Variants in MORC4 observed in about 807,000 individuals in gnomAD.
MORC4 encodes the protein MORC family CW-type zinc finger protein 4.
MORC4 carries 22 observed loss-of-function variants against 65.5 expected under a neutral mutation model. That is an observed-to-expected ratio of 0.34 (90% confidence interval 0.24 to 0.48). MORC4 has a LOEUF of 0.48. Ranked by LOEUF, MORC4 falls within the 20% of genes least tolerant of loss-of-function variation. The probability of loss-of-function intolerance (pLI) is 0.99; values close to 1 mark genes in which losing one functional copy is unlikely to be tolerated. For missense variants in MORC4, 624 were observed against 703.0 expected, an observed-to-expected ratio of 0.89 and a Z score of 1.27; for synonymous variants, 267 against 255.8, an observed-to-expected ratio of 1.04 and a Z score of -0.42.
intron 3 of MORC4, among the ~76,000 whole-genome samples, chrX:106,986,947 C>A (rs2147824202): frequency 8.9e-6 from 1 of 111,787 alleles, no homozygotes; most frequent in East Asian, 2.8e-4. Context: ...AAGCCAGAAC[C>A]TTTCCCTTCC....
At position 106,942,567 on chromosome X, in the gene MORC4, G is replaced by C. The variant is rs760914591; in HGVS notation, c.2324C>G (p.Thr775Ser). Residue 775 changes from threonine to serine, a missense_variant, in exon 15 of 17, where the codon ACC becomes AGC. Coordinates refer to ENST00000355610, the MANE Select transcript of MORC4 (RefSeq NM_024657.5). Reference protein sequence around the residue: ...NQRELEELKRTTEKLERVLAE... With the variant: ...NQRELEELKRSTEKLERVLAE... ...CAAAACACGTTCCAATTTTTCTGTG[G>C]TTCTCTTCAATTCTTCCAGCTCTCT... 1.7e-6 allele frequency: 2 copies of C among 1,210,842 alleles called. No individual in the cohort carries two copies. The highest frequency in any genetic ancestry group is 2.2e-6 in the Non-Finnish European group (2 of 895,318).
chrX:106,970,771 G>C (rs1310854243), intron 9 of MORC4, among the ~76,000 whole-genome samples: 1 of 111,642 alleles, frequency 9.0e-6, no homozygotes, highest in Admixed American at 9.5e-5. Context: ...TGGATGTGAA[G>C]GACCTCTTCA....
At chrX:106,966,367 C>A (rs1461184228) in intron 9 of MORC4, among the ~76,000 whole-genome samples, 1 of 112,289 alleles carries the variant, frequency 8.9e-6, no homozygotes, top group African/African-American at 3.2e-5. Context: ...CCAGTGAGAT[C>A]GACGCAGAAG....
intron 4 of MORC4, among the ~76,000 whole-genome samples, 157 bp from the exon 5 acceptor site, chrX:106,985,400 T>C (rs577324985): frequency 1.8e-5 from 2 of 112,354 alleles, no homozygotes; most frequent in African/African-American, 6.5e-5. Flanking sequence ...AGAAAGGTTG[T>C]AGAGACAAGC....
rs1303832038 is a variant in MORC4 at position 106,989,121 on chromosome X, T to G, written c.309-2921A>C. On this transcript the variant is annotated intron_variant, in intron 3 of 16. Coordinates refer to ENST00000355610, the MANE Select transcript of MORC4 (RefSeq NM_024657.5). ...TGAAAGAGTGCTAAGCAGACTGTTATTCTCCAGCTATTGTTTTAGAAGAAT... is the reference window on the plus strand; with the variant it reads ...TGAAAGAGTGCTAAGCAGACTGTTAGTCTCCAGCTATTGTTTTAGAAGAAT... Among the ~76,000 whole-genome samples, 3 of 112,446 alleles carry G rather than the reference T, an allele frequency of 2.7e-5. No homozygotes were observed. The Admixed American group carries it at 2.8e-4, about 11-fold the overall frequency.
At position 106,969,646 on chromosome X, in the gene MORC4, TCAC is replaced by T. The variant is rs894751434; in HGVS notation, c.1157+6935_1157+6937del. 2.1e-4 allele frequency among the ~76,000 whole-genome samples: 24 copies of T among 111,664 alleles called. 1 individual carries two copies. The highest frequency in any genetic ancestry group is 1.1e-4 in the Non-Finnish European group (6 of 53,106). ...ACAATAAAAAATGATAAAGGGGATATCACCACCAATCCCACAGAAATACAAACT... is the reference window on the plus strand; with the variant it reads ...ACAATAAAAAATGATAAAGGGGATATCACCAATCCCACAGAAATACAAACT... On this transcript the variant is annotated intron_variant, in intron 9 of 16. Transcript: ENST00000355610.
At position 106,990,559 on chromosome X, in the gene MORC4, T is replaced by C. The variant is rs1040493186; in HGVS notation, c.308+2671A>G. On this transcript the variant is annotated intron_variant, in intron 3 of 16. Transcript: ENST00000355610. ...AGGCATGAGCCACCATGCTTGGCCT[T>C]AAATGATCTCTTTTAAATAAATGGT... Among the ~76,000 whole-genome samples the C allele has an allele frequency of 2.7e-5, 3 of 112,536 alleles. No homozygotes were observed. In the Admixed American group the frequency reaches 2.8e-4, roughly 10 times the overall value.
chrX:106,955,044 A>G lies in MORC4; in HGVS notation c.1554T>C (p.Ala518=). The G allele has an allele frequency of 3.3e-6, 4 of 1,206,779 alleles. No individual in the cohort carries two copies. Among genetic ancestry groups the G allele is most frequent in the Non-Finnish European group, 4.5e-6 (4 of 892,284 alleles). The change falls in exon 14 of 17, where the codon GCT becomes GCC. Residue 518 remains alanine (A), a synonymous_variant. Transcript: ENST00000355610. ...ATCCAATTGTCTTGTTATTCAATCC[A>G]GCCATTTCTTGAACAGTAAGGATCT... ...PPKILTVQEM[A]GLNNKTIGYE... is the part of the protein sequence containing the mutation.
At chrX:106,972,028 T>C (rs1481248135) in intron 9 of MORC4, among the ~76,000 whole-genome samples, 3 of 112,415 alleles carry the variant, frequency 2.7e-5, no homozygotes, top group South Asian at 3.7e-4. Flanking sequence ...CGTATGTTTA[T>C]TGTGGCACTA....
intron 14 of MORC4, among the ~76,000 whole-genome samples, chrX:106,949,535 A>G (rs753052505): frequency 1.8e-5 from 2 of 111,782 alleles, no homozygotes; most frequent in East Asian, 5.6e-4. Flanking sequence ...TCCCTATGAC[A>G]CTGATGTTGT....
intron 3 of MORC4, 152 bp from the exon 4 acceptor site, chrX:106,986,352 C>A (rs1934870983): frequency 4.4e-6 from 2 of 452,625 alleles, no homozygotes; most frequent in Non-Finnish European, 7.5e-6. Context: ...TATTTATGGG[C>A]AAAACTATTA....
Position 106,986,151 on chromosome X carries a change from C to T in MORC4, c.358G>A (p.Val120Ile). The T allele has an allele frequency of 8.3e-7, 1 of 1,210,572 alleles. No homozygotes were observed. Among genetic ancestry groups the T allele is most frequent in the South Asian group, 1.8e-5 (1 of 56,807 alleles). Residue 120 changes from valine to isoleucine, a missense_variant, in exon 4 of 17, where the codon GTC (valine) becomes ATC (isoleucine). Transcript: ENST00000355610. ...VIKKSQCPIG[V>I]FGNGFKSGSM... ...CCTGACTTGAAACCATTACCAAAGACCCCAATGGGACACTGGCTCTTCTTT... is the reference window on the plus strand; with the variant it reads ...CCTGACTTGAAACCATTACCAAAGATCCCAATGGGACACTGGCTCTTCTTT...
chrX:106,964,936 A>C (rs749647521), intron 9 of MORC4, among the ~76,000 whole-genome samples: 1 of 109,703 alleles, frequency 9.1e-6, no homozygotes, highest in South Asian at 4.0e-4. Context: ...TTGAACCGGG[A>C]AGGGGAGGTT....
intron 9 of MORC4, among the ~76,000 whole-genome samples, chrX:106,973,151 A>G (rs1440837520): frequency 8.9e-6 from 1 of 112,250 alleles, no homozygotes; most frequent in African/African-American, 3.2e-5. Flanking sequence ...GAAGGCCTTG[A>G]CATTTAATGG....
rs1433595220 is a variant in MORC4, at chrX:106,945,912, A to C, written c.1686-2707T>G. Among the ~76,000 whole-genome samples the C allele has an allele frequency of 2.7e-5, 3 of 111,650 alleles. No homozygotes were observed. In the Admixed American group the frequency reaches 2.9e-4, roughly 11 times the overall value. ...GAGGCTTCTGTAATTAACCACTATCAGTTTTGTATTATTTCACTAACCAAG... is the reference window on the plus strand; with the variant it reads ...GAGGCTTCTGTAATTAACCACTATCCGTTTTGTATTATTTCACTAACCAAG... On this transcript the variant is annotated intron_variant, in intron 14 of 16. Coordinates refer to ENST00000355610, the MANE Select transcript of MORC4 (RefSeq NM_024657.5).
At position 106,997,517 on chromosome X, in the gene MORC4, C is replaced by T. The variant is rs755998071; in HGVS notation, c.175+2160G>A. 2.7e-5 allele frequency among the ~76,000 whole-genome samples: 3 copies of T among 111,719 alleles called. No individual in the cohort carries two copies. In the South Asian group the frequency reaches 1.1e-3, roughly 42 times the overall value. Reference sequence around the variant, plus strand: ...AACCTCATCCTTACTTAGTATCTGGCGTAAAAAGGCCTGTGTTTGAGTCCT... The same window carrying T: ...AACCTCATCCTTACTTAGTATCTGGTGTAAAAAGGCCTGTGTTTGAGTCCT... On this transcript the variant is annotated intron_variant, in intron 2 of 16. Coordinates refer to ENST00000355610, the MANE Select transcript of MORC4 (RefSeq NM_024657.5).
rs760995952 is a variant in MORC4 at position 106,969,626 on chromosome X, A to G, written c.1157+6958T>C. The stretch of plus-strand genomic sequence containing the variant: ...GGGAGAAGGATCAAATAGACACAAT[A>G]AAAAATGATAAAGGGGATATCACCA... On this transcript the variant is annotated intron_variant, in intron 9 of 16. Transcript: ENST00000355610. 8.9e-5 allele frequency among the ~76,000 whole-genome samples: 10 copies of G among 112,195 alleles called. No individual in the cohort carries two copies. The South Asian group carries it at 2.6e-3, about 29-fold the overall frequency.
Position 106,970,654 on chromosome X carries a change from C to A in MORC4, c.1157+5930G>T, listed in dbSNP as rs772214856. ...ATACAAAATCAATGCGCAAAAATCACAAGCATTCCTATACACCAATAATAG... is the reference window on the plus strand; with the variant it reads ...ATACAAAATCAATGCGCAAAAATCAAAAGCATTCCTATACACCAATAATAG... On this transcript the variant is annotated intron_variant, in intron 9 of 16. Coordinates refer to ENST00000355610, the MANE Select transcript of MORC4 (RefSeq NM_024657.5). Among the ~76,000 whole-genome samples, 3 of 111,938 alleles carry A rather than the reference C, an allele frequency of 2.7e-5. No homozygotes were observed. In the South Asian group the frequency reaches 1.1e-3, roughly 42 times the overall value.
At chrX:106,942,376 C>G in intron 15 of MORC4, 139 bp downstream of exon 15, 1 of 858,664 alleles carries the variant, frequency 1.2e-6, no homozygotes. Flanking sequence ...TACAGTTACT[C>G]TATCTGAAAC....
Sources: allele counts gnomAD v4.1 joint callset (sites outside exome capture counted in the v4.1 genomes callset), GRCh38; gene constraint gnomAD v4.1.1; transcripts MANE v1.5; gene names NCBI Gene and HGNC (gene_info 2026-07-23, HGNC 2026-07-21).